RNF150: variants seen among roughly 807,000 people sequenced by gnomAD.
RNF150 encodes ring finger protein 150.
A neutral mutation model predicts 39.3 loss-of-function variants in RNF150; 24 were observed. The ratio of observed to expected loss-of-function variants is 0.61; its 90% CI spans 0.44 to 0.86. The LOEUF (loss-of-function observed/expected upper bound fraction) is 0.86, where lower values mean the gene tolerates loss of function less well. Ranked by LOEUF, RNF150 falls within the 40% of genes least tolerant of loss-of-function variation. RNF150 has a pLI of 0.00. For missense variants in RNF150, 502 were observed against 587.8 expected (o/e 0.85, Z 1.51); for synonymous variants, 255 against 227.3 (o/e 1.12, Z -1.10).
At chr4:140,924,400 T>C (rs77404867) in intron 5 of RNF150, among the ~76,000 whole-genome samples, 198 of 152,352 alleles carry the variant, frequency 1.3e-3, no homozygotes, top group African/African-American at 4.5e-3. Flanking sequence ...AAATACTCTT[T>C]AGTACAAAAT....
At chr4:140,967,948 A>T in intron 1 of RNF150, 75 bp from the exon 2 acceptor site, 4 of 1,319,084 alleles carry the variant, frequency 3.0e-6, no homozygotes, top group Non-Finnish European at 4.3e-6. Flanking sequence ...AGATGTGTGG[A>T]CACAGTAACA....
chr4:141,103,168 T>A (rs4629541), intron 1 of RNF150, among the ~76,000 whole-genome samples: 22 of 152,156 alleles, frequency 1.4e-4, no homozygotes, highest in East Asian at 3.9e-4. Context: ...AGATAAAGAC[T>A]GCTAGAAACC....
chr4:140,943,855 G>GA (rs1393837859), intron 4 of RNF150, among the ~76,000 whole-genome samples: 3 of 151,682 alleles, frequency 2.0e-5, no homozygotes, highest in South Asian at 4.2e-4. Flanking sequence ...AAAAATCAAA[G>GA]AAAAAAAACA....
intron 6 of RNF150, among the ~76,000 whole-genome samples, chr4:140,874,709 T>C (rs1229280916): frequency 6.6e-6 from 1 of 152,214 alleles, no homozygotes; most frequent in Non-Finnish European, 1.5e-5. Context: ...CCTCCTGGGT[T>C]CAAGCGATTC....
At chr4:141,124,323 T>C (rs1032613954) in intron 1 of RNF150, among the ~76,000 whole-genome samples, 6 of 152,192 alleles carry the variant, frequency 3.9e-5, no homozygotes, top group Non-Finnish European at 8.8e-5. Context: ...GTGGGTAACA[T>C]GCAGCAGGGG....
At chr4:140,981,046 G>T (rs1274373831) in intron 1 of RNF150, among the ~76,000 whole-genome samples, 3 of 152,160 alleles carry the variant, frequency 2.0e-5, no homozygotes, top group African/African-American at 7.2e-5. Context: ...TAAAGGCTCA[G>T]ATTGGAAAAT....
At chr4:141,057,900 A>AT (rs141887345) in intron 1 of RNF150, among the ~76,000 whole-genome samples, 1,739 of 152,312 alleles carry the variant, frequency 0.011, 31 homozygotes, top group African/African-American at 0.032. Context: ...GTTGGACATA[A>AT]TAACTCAAAG....
chr4:140,961,782 A>C (rs1240365405), intron 2 of RNF150, among the ~76,000 whole-genome samples: 2 of 152,104 alleles, frequency 1.3e-5, no homozygotes, highest in Admixed American at 6.6e-5. Context: ...AAGTTAACAA[A>C]CTGGGAGGAG....
At chr4:141,049,427 AG>A (rs1360096752) in intron 1 of RNF150, among the ~76,000 whole-genome samples, 1 of 152,112 alleles carries the variant, frequency 6.6e-6, no homozygotes, top group Non-Finnish European at 1.5e-5. Context: ...AACTATAACA[AG>A]GGTTTATTTC....
intron 1 of RNF150, among the ~76,000 whole-genome samples, chr4:141,162,725 C>T (rs1727536820): frequency 6.6e-6 from 1 of 152,020 alleles, no homozygotes; most frequent in Non-Finnish European, 1.5e-5. Context: ...ATTTCCTAGC[C>T]AAGGAAAAGC....
intron 1 of RNF150, among the ~76,000 whole-genome samples, chr4:141,105,414 T>C (rs1560741297): frequency 6.6e-6 from 1 of 152,220 alleles, no homozygotes; most frequent in Non-Finnish European, 1.5e-5. Context: ...CACTGTAATA[T>C]ACATCTTTAC....
chr4:140,932,873 A>G (rs1211188308), intron 4 of RNF150, among the ~76,000 whole-genome samples: 1 of 152,234 alleles, frequency 6.6e-6, no homozygotes, highest in East Asian at 1.9e-4. Context: ...AATGTTTGAG[A>G]TAGTGACTGC....
intron 1 of RNF150, among the ~76,000 whole-genome samples, chr4:141,173,319 AT>A (rs1727761139): frequency 6.6e-6 from 1 of 152,174 alleles, no homozygotes; most frequent in Admixed American, 6.5e-5. Flanking sequence ...TAAAGTTTTG[AT>A]TATGCATTTA....
At chr4:140,970,641 G>T (rs1407864973) in intron 1 of RNF150, among the ~76,000 whole-genome samples, 1 of 151,898 alleles carries the variant, frequency 6.6e-6, no homozygotes, top group Admixed American at 6.6e-5. Flanking sequence ...CCATTTTCAG[G>T]GACTTCAGAA....
chr4:141,047,031 A>G (rs555148842), intron 1 of RNF150, among the ~76,000 whole-genome samples: 1 of 152,232 alleles, frequency 6.6e-6, no homozygotes, highest in South Asian at 2.1e-4. Context: ...AGAAATTTAA[A>G]TCTATTATGA....
At chr4:141,185,884 C>T (rs1173532443) in intron 1 of RNF150, among the ~76,000 whole-genome samples, 3 of 152,196 alleles carry the variant, frequency 2.0e-5, no homozygotes, top group Non-Finnish European at 4.4e-5. Flanking sequence ...ATGAAGCCAA[C>T]TTGGTCATGA....
chr4:140,999,993 AAAGAAGAAGAAG>A lies in RNF150; in HGVS notation c.485-32132_485-32121del, dbSNP rs1169596089. Reference sequence around the variant, plus strand: ...AGAAGAAGAAAAGAAGAAAAGAAGAAAAGAAGAAGAAGAAGAAGAAGAAGAAGAAGAAGAAGA... The same window carrying A: ...AGAAGAAGAAAAGAAGAAAAGAAGAAAAGAAGAAGAAGAAGAAGAAGAAGA... On this transcript the variant is annotated intron_variant, in intron 1 of 6. Transcript: ENST00000515673. Among the ~76,000 whole-genome samples, 228 of 63,220 alleles carry A rather than the reference AAAGAAGAAGAAG, an allele frequency of 3.6e-3. 5 individuals are homozygous for A. The highest frequency in any genetic ancestry group is 0.011 in the African/African-American group (211 of 18,792). The allele number at this position is 63,220 out of a possible 152,430, so 41.5% of individuals were successfully genotyped here.
At chr4:140,946,222 T>A (rs528684660) in intron 4 of RNF150, among the ~76,000 whole-genome samples, 51 of 152,346 alleles carry the variant, frequency 3.3e-4, no homozygotes, top group Middle Eastern at 6.8e-3. Flanking sequence ...TTCCTAATGA[T>A]CAATTTGCCT....
At chr4:141,129,671 C>T (rs1181232633) in intron 1 of RNF150, among the ~76,000 whole-genome samples, 1 of 152,126 alleles carries the variant, frequency 6.6e-6, no homozygotes, top group Non-Finnish European at 1.5e-5. Context: ...TAAAGCAAAA[C>T]TACTGGTCTA....
Sources: gnomAD v4.1 joint callset for allele counts (sites outside exome capture counted in the v4.1 genomes callset) on GRCh38, gnomAD v4.1.1 for gene constraint, MANE v1.5 for transcripts, NCBI Gene and HGNC (gene_info 2026-07-23, HGNC 2026-07-21) for gene names.